CDKL2: variants seen among roughly 807,000 people sequenced by gnomAD.
The protein encoded by CDKL2 is cyclin-dependent kinase-like 2.
A neutral mutation model predicts 63.9 loss-of-function variants in CDKL2; 64 were observed. That is an observed-to-expected ratio of 1.00 (90% CI 0.82 to 1.23). The LOEUF is 1.23. CDKL2 is among the 50% of genes most tolerant of loss of function. The pLI is 0.00. For missense variants in CDKL2, 656 were observed against 668.0 expected (o/e 0.98, Z 0.20); for synonymous variants, 211 against 229.2 (o/e 0.92, Z 0.72).
chr4:75,582,623 CA>C (rs891466800), intron 12 of CDKL2, among the ~76,000 whole-genome samples: 2 of 151,778 alleles, frequency 1.3e-5, no homozygotes, highest in Non-Finnish European at 2.9e-5. Context: ...AAAAAAATTT[CA>C]AAAAACATGA....
intron 13 of CDKL2, among the ~76,000 whole-genome samples, chr4:75,579,788 A>G (rs2148852822): frequency 6.6e-6 from 1 of 152,368 alleles, no homozygotes; most frequent in South Asian, 2.1e-4. Context: ...CACGGTTTGT[A>G]TGAATTAGTT....
At position 75,596,324 on chromosome 4, in the gene CDKL2, T is replaced by C; in HGVS notation, c.1339A>G (p.Lys447Glu). The C allele has an allele frequency of 6.2e-7, 1 of 1,608,080 alleles. No homozygotes were observed. The highest frequency in any genetic ancestry group is 8.5e-7 in the Non-Finnish European group (1 of 1,174,594). The change falls in exon 10 of 14, where the codon AAG becomes GAG. Residue 447 changes from lysine (K) to glutamate (E), a missense_variant. Physicochemically the swap from Lys to Glu is moderately conservative, Grantham distance 56. Transcript: ENST00000307465. ...TTAACAAATGGAATAGAACACTTCTTAGTTTTCTCATCCACTCTGTAACGA... is the reference window on the plus strand; with the variant it reads ...TTAACAAATGGAATAGAACACTTCTCAGTTTTCTCATCCACTCTGTAACGA... ...IQGYRVDEKT[K>E]KCSIPFVKPN...
intron 1 of CDKL2, among the ~76,000 whole-genome samples, chr4:75,627,731 C>CTTTTTTTTTTTTT (rs57328528): frequency 5.6e-4 from 48 of 85,976 alleles, no homozygotes; most frequent in East Asian, 8.9e-4. Flanking sequence ...CTTTTTTTTT[C>CTTTTTTTTTTTTT]TTTTTTTTTT....
chr4:75,592,203 G>A lies in CDKL2; in HGVS notation c.1483C>T (p.Arg495Cys), dbSNP rs1271585436. The change falls in exon 11 of 14, where the codon CGT becomes TGT. Residue 495 changes from arginine to cysteine, a missense_variant. Transcript: ENST00000307465. The stretch of plus-strand genomic sequence containing the variant: ...TGATTATAGTTTAGTTCAGGCAAAC[G>A]GACATCTGTCCTGGAGTATTCTCTT... ...KRREYSRTDV[R>C]LPELNYNHLP... 16 of 1,535,024 alleles carry A rather than the reference G, an allele frequency of 1.0e-5. No homozygotes were observed. The highest frequency in any genetic ancestry group is 1.7e-4 in the Middle Eastern group (1 of 6,010).
intron 2 of CDKL2, among the ~76,000 whole-genome samples, chr4:75,617,038 C>G (rs75116488): frequency 6.6e-6 from 1 of 151,938 alleles, no homozygotes; most frequent in Non-Finnish European, 1.5e-5. Context: ...ATCGTGACTG[C>G]GACAAAATCC....
At chr4:75,615,126 A>G (rs537850576) in intron 2 of CDKL2, among the ~76,000 whole-genome samples, 1 of 152,026 alleles carries the variant, frequency 6.6e-6, no homozygotes, top group Admixed American at 6.6e-5. Context: ...ACAATTCATT[A>G]TGAACAAGCC....
In CDKL2 at chr4:75,607,218, A is replaced by G. The variant is rs765681688; in HGVS notation, c.507T>C (p.Ala169=). The G allele has an allele frequency of 6.2e-6, 10 of 1,612,390 alleles. No individual in the cohort carries two copies. The highest frequency in any genetic ancestry group is 1.3e-5 in the African/African-American group (1 of 74,866). Residue 169 remains alanine, a synonymous_variant, in exon 4 of 14, where the codon GCT becomes GCC. Coordinates refer to ENST00000307465, the MANE Select transcript of CDKL2 (RefSeq NM_001330724.2). ...TGACATCACCAACCAATAGTTCTGG[A>G]GCTCTGTACCATCGGGTTGCCACAT... ...TDYVATRWYR[A]PELLVGDVKY...
chr4:75,605,356 A>AACAC (rs140806852), intron 5 of CDKL2, among the ~76,000 whole-genome samples, 166 bp downstream of exon 5: 56,775 of 149,322 alleles, frequency 0.38, 11,062 homozygotes, highest in African/African-American at 0.45. Flanking sequence ...TCCATCTCAA[A>AACAC]ACACACACAC....
intron 12 of CDKL2, among the ~76,000 whole-genome samples, chr4:75,591,546 G>T (rs1728715562): frequency 6.6e-6 from 1 of 152,102 alleles, no homozygotes; most frequent in Admixed American, 6.6e-5. Flanking sequence ...GCAGTGAGCT[G>T]GGATCATGTT....
intron 12 of CDKL2, among the ~76,000 whole-genome samples, chr4:75,587,632 G>A (rs897522137): frequency 2.6e-5 from 4 of 152,076 alleles, no homozygotes; most frequent in African/African-American, 7.2e-5. Flanking sequence ...TTGAGAGGCC[G>A]GGCGCAGTGG....
intron 2 of CDKL2, among the ~76,000 whole-genome samples, chr4:75,623,970 C>T (rs1029188643): frequency 6.6e-6 from 1 of 151,740 alleles, no homozygotes; most frequent in African/African-American, 2.4e-5. Flanking sequence ...CCCATCCCTA[C>T]TAAAAATACA....
Position 75,625,900 on chromosome 4 carries a change from A to G in CDKL2, c.89T>C (p.Val30Ala), listed in dbSNP as rs1263589466. The G allele has an allele frequency of 1.2e-6, 2 of 1,613,158 alleles. No individual in the cohort carries two copies. The highest frequency in any genetic ancestry group is 1.7e-6 in the Non-Finnish European group (2 of 1,179,430). ...ACTTTCTAAGAACTTCTTTATGGCC[A>G]CAATTCTTCCAGTATCTTTATTCCT... Reference protein sequence around the residue: ...KCRNKDTGRIVAIKKFLESDD... With the variant: ...KCRNKDTGRIAAIKKFLESDD... Residue 30 changes from valine to alanine, a missense_variant, in exon 2 of 14, where the codon GTG becomes GCG. Coordinates refer to ENST00000307465, the MANE Select transcript of CDKL2 (RefSeq NM_001330724.2).
At chr4:75,600,247 G>GT in intron 7 of CDKL2, 34 bp downstream of exon 7, 2 of 1,361,374 alleles carry the variant, frequency 1.5e-6, no homozygotes, top group Non-Finnish European at 2.1e-6. Flanking sequence ...ACCCTAGGTT[G>GT]GTATGGCCTG....
intron 5 of CDKL2, among the ~76,000 whole-genome samples, chr4:75,604,566 A>G (rs532107737): frequency 7.2e-4 from 110 of 152,348 alleles, no homozygotes; most frequent in Non-Finnish European, 1.1e-3. Flanking sequence ...TAAGATTTTG[A>G]TAGTCCAGCT....
At chr4:75,580,487 G>A (rs1302572386) in intron 13 of CDKL2, among the ~76,000 whole-genome samples, 1 of 151,206 alleles carries the variant, frequency 6.6e-6, no homozygotes, top group Non-Finnish European at 1.5e-5. Flanking sequence ...GCAACATGGT[G>A]AAACCCCATC....
At chr4:75,600,651 C>T (rs1729148839) in intron 6 of CDKL2, among the ~76,000 whole-genome samples, 3 of 151,858 alleles carry the variant, frequency 2.0e-5, no homozygotes, top group East Asian at 1.9e-4. Flanking sequence ...GTAGAGACAG[C>T]GTTTCGCCAT....
intron 3 of CDKL2, among the ~76,000 whole-genome samples, chr4:75,611,480 A>G (rs888158524): frequency 6.7e-6 from 1 of 148,346 alleles, no homozygotes; most frequent in Non-Finnish European, 1.5e-5. Flanking sequence ...AAAAAAAAAA[A>G]GAGTAAATGG....
Position 75,612,112 on chromosome 4 carries a change from A to G in CDKL2, c.363+2143T>C, listed in dbSNP as rs189892731. 4.4e-3 allele frequency among the ~76,000 whole-genome samples: 672 copies of G among 151,866 alleles called. 6 individuals are homozygous for G. The highest frequency in any genetic ancestry group is 0.016 in the African/African-American group (654 of 41,384). On this transcript the variant is annotated intron_variant, in intron 3 of 13. Transcript: ENST00000307465. Reference sequence around the variant, plus strand: ...CAGCCTCCCAAGCAGCTGGGATTACAGGTGCCTGCCACCATGCCCGGCTAA... The same window carrying G: ...CAGCCTCCCAAGCAGCTGGGATTACGGGTGCCTGCCACCATGCCCGGCTAA...
intron 13 of CDKL2, among the ~76,000 whole-genome samples, chr4:75,580,694 CTTTT>C (rs368796538): frequency 1.5e-5 from 2 of 129,690 alleles, no homozygotes; most frequent in African/African-American, 2.8e-5. Context: ...TTTGTTTTGG[CTTTT>C]TTTTTTTTTT....
Sources: gnomAD v4.1 joint callset for allele counts (sites outside exome capture counted in the v4.1 genomes callset) on GRCh38, gnomAD v4.1.1 for gene constraint, MANE v1.5 for transcripts, NCBI Gene and HGNC (gene_info 2026-07-23, HGNC 2026-07-21) for gene names.